DEPDC1B: variants seen among roughly 807,000 people sequenced by gnomAD.
The protein encoded by DEPDC1B is DEP domain containing 1B.
In DEPDC1B, 51 loss-of-function variants were observed where a neutral mutation model predicts 66.5. The ratio of observed to expected loss-of-function variants is 0.77; its 90% CI spans 0.61 to 0.97. The LOEUF is 0.97. Ranked by LOEUF, DEPDC1B falls within the 50% of genes least tolerant of loss-of-function variation. The pLI, the probability that DEPDC1B is intolerant of heterozygous loss-of-function variation, is 0.00. For missense variants in DEPDC1B, 552 were observed against 637.1 expected, an observed-to-expected ratio of 0.87 and a Z score of 1.44; for synonymous variants, 226 against 223.6, an observed-to-expected ratio of 1.01 and a Z score of -0.10.
At chr5:60,636,749 T>G (rs1253140619) in intron 7 of DEPDC1B, among the ~76,000 whole-genome samples, 1 of 152,140 alleles carries the variant, frequency 6.6e-6, no homozygotes, top group Non-Finnish European at 1.5e-5. Flanking sequence ...TCAAATATAT[T>G]CACTTGAACA....
intron 2 of DEPDC1B, among the ~76,000 whole-genome samples, chr5:60,681,229 AG>A (rs34493104): frequency 6.6e-6 from 1 of 152,108 alleles, no homozygotes; most frequent in African/African-American, 2.4e-5. Flanking sequence ...TATACCACCC[AG>A]GGACCTGAGG....
At chr5:60,653,969 T>C (rs764662172) in intron 2 of DEPDC1B, among the ~76,000 whole-genome samples, 10 of 149,422 alleles carry the variant, frequency 6.7e-5, no homozygotes, top group Non-Finnish European at 1.0e-4. Flanking sequence ...TCTATGTGCC[T>C]ATTTTCACAG....
At chr5:60,692,244 T>A (rs1754562248) in intron 1 of DEPDC1B, among the ~76,000 whole-genome samples, 1 of 152,176 alleles carries the variant, frequency 6.6e-6, no homozygotes, top group Non-Finnish European at 1.5e-5. Context: ...CAGGAAATTA[T>A]CTTTTTTATT....
chr5:60,633,281 G>A (rs942074943), intron 7 of DEPDC1B, among the ~76,000 whole-genome samples: 2 of 152,166 alleles, frequency 1.3e-5, no homozygotes, highest in African/African-American at 4.8e-5. Context: ...ACTTTAACAA[G>A]AGGAGCTGGC....
At chr5:60,667,708 T>TAAAATGGATATTTTACATGTATAA (rs1753890008) in intron 2 of DEPDC1B, among the ~76,000 whole-genome samples, 1 of 104,206 alleles carries the variant, frequency 9.6e-6, no homozygotes, top group East Asian at 3.9e-4. Flanking sequence ...TACATGTATA[T>TAAAATGGATATTTTACATGTATAA]AAAATGGATA....
rs568703492 is a variant in DEPDC1B, at chr5:60,641,836, A to G, written c.757+976T>C. On this transcript the variant is annotated intron_variant, in intron 6 of 10. Coordinates refer to ENST00000265036, the MANE Select transcript of DEPDC1B (RefSeq NM_018369.3). The stretch of plus-strand genomic sequence containing the variant: ...CAGAGGCTCCAAATTTTAACCAAAA[A>G]CCAATGAAAATGTTAACAGTTAAAC... Among the ~76,000 whole-genome samples, 135 of 152,302 alleles carry G rather than the reference A, an allele frequency of 8.9e-4. 1 individual carries two copies. The highest frequency in any genetic ancestry group is 3.2e-3 in the African/African-American group (133 of 41,562).
At chr5:60,614,822 C>A (rs1752503827) in intron 7 of DEPDC1B, among the ~76,000 whole-genome samples, 1 of 152,008 alleles carries the variant, frequency 6.6e-6, no homozygotes, top group South Asian at 2.1e-4. Flanking sequence ...AAAACCCTGT[C>A]TCTACTAAAA....
At chr5:60,646,811 C>T (rs192800226) in intron 3 of DEPDC1B, among the ~76,000 whole-genome samples, 16 of 152,148 alleles carry the variant, frequency 1.1e-4, no homozygotes, top group South Asian at 1.0e-3. Context: ...TCAGATCGGC[C>T]GCATTAGATT....
chr5:60,619,554 A>T lies in DEPDC1B; in HGVS notation c.899-13698T>A, dbSNP rs1752651987. ...CCCATTCACAATTGCTTCAAACAGA[A>T]TAAAATACCTAGGAATCCAACTTAC... On this transcript the variant is annotated intron_variant, in intron 7 of 10. Coordinates refer to ENST00000265036, the MANE Select transcript of DEPDC1B (RefSeq NM_018369.3). Among the ~76,000 whole-genome samples, 3 of 152,364 alleles carry T rather than the reference A, an allele frequency of 2.0e-5. No homozygotes were observed. In the South Asian group the frequency reaches 6.2e-4, roughly 32 times the overall value.
At chr5:60,608,773 T>C (rs990253296) in intron 7 of DEPDC1B, among the ~76,000 whole-genome samples, 5 of 152,110 alleles carry the variant, frequency 3.3e-5, no homozygotes, top group African/African-American at 4.8e-5. Context: ...AACAACCAGT[T>C]GCTTGCCAAA....
At chr5:60,629,418 A>G (rs2111815635) in intron 7 of DEPDC1B, among the ~76,000 whole-genome samples, 1 of 152,320 alleles carries the variant, frequency 6.6e-6, no homozygotes, top group East Asian at 1.9e-4. Context: ...GCAAACTCCA[A>G]CTATTTTTCA....
chr5:60,632,146 C>T (rs1752939183), intron 7 of DEPDC1B, among the ~76,000 whole-genome samples: 2 of 152,234 alleles, frequency 1.3e-5, no homozygotes. Flanking sequence ...TGCCTGGGCA[C>T]TGTGCCCTCT....
At chr5:60,636,028 T>C (rs1296838360) in intron 7 of DEPDC1B, among the ~76,000 whole-genome samples, 1 of 152,158 alleles carries the variant, frequency 6.6e-6, no homozygotes, top group Non-Finnish European at 1.5e-5. Context: ...GCCTCCCTCC[T>C]TTCCTCAATA....
At position 60,599,081 on chromosome 5, in the gene DEPDC1B, C is replaced by T. The variant is rs1245335572; in HGVS notation, c.1422G>A (p.Leu474=). 1.3e-6 allele frequency: 2 copies of T among 1,584,802 alleles called. No homozygotes were observed. The highest frequency in any genetic ancestry group is 1.9e-5 in the Admixed American group (1 of 53,168). Residue 474 remains leucine, a synonymous_variant, in exon 10 of 11, where the codon CTG becomes CTA. Transcript: ENST00000265036. ...KLSNKEKKKK[L]KQFQKSYPEV... ...ATAAAGAATATCCTTTTACCTGCTT[C>T]AGTTTCTTCTTTTTCTCTTTGTTGG...
In DEPDC1B at chr5:60,678,963, CTT is replaced by C. The variant is rs770778103; in HGVS notation, c.314+7997_314+7998del. ...GCTTTTAGTGTCATGTCTAAAAACT[CTT>C]TGCCTAATACCAAAACAAAGATTTT... On this transcript the variant is annotated intron_variant, in intron 2 of 10. Coordinates refer to ENST00000265036, the MANE Select transcript of DEPDC1B (RefSeq NM_018369.3). Among the ~76,000 whole-genome samples, 43 of 152,268 alleles carry C rather than the reference CTT, an allele frequency of 2.8e-4. 1 individual carries two copies. In the East Asian group the frequency reaches 5.6e-3, roughly 20 times the overall value.
At chr5:60,688,335 A>G (rs758464256) in intron 1 of DEPDC1B, among the ~76,000 whole-genome samples, 3 of 152,154 alleles carry the variant, frequency 2.0e-5, no homozygotes, top group Admixed American at 1.3e-4. Flanking sequence ...ATCTTCAGAT[A>G]CCACACTGAA....
chr5:60,663,465 C>T (rs1274485578), intron 2 of DEPDC1B, among the ~76,000 whole-genome samples: 2 of 152,190 alleles, frequency 1.3e-5, no homozygotes, highest in African/African-American at 4.8e-5. Flanking sequence ...CTGTACCTAA[C>T]CCTTATACTA....
chr5:60,637,674 G>A (rs973613725), intron 7 of DEPDC1B, among the ~76,000 whole-genome samples: 1 of 152,146 alleles, frequency 6.6e-6, no homozygotes, highest in Admixed American at 6.5e-5. Flanking sequence ...CTCAGTTGGA[G>A]CCAAAATACC....
intron 2 of DEPDC1B, among the ~76,000 whole-genome samples, chr5:60,681,628 C>T (rs775154125): frequency 7.9e-5 from 12 of 152,088 alleles, no homozygotes; most frequent in Admixed American, 3.9e-4. Flanking sequence ...TCCAAAGAGA[C>T]GCAATCATTC....
Sources: gnomAD v4.1 joint callset for allele counts (sites outside exome capture counted in the v4.1 genomes callset) on GRCh38, gnomAD v4.1.1 for gene constraint, MANE v1.5 for transcripts, NCBI Gene and HGNC (gene_info 2026-07-23, HGNC 2026-07-21) for gene names.